Variants in OSBP2 observed in about 807,000 individuals in gnomAD.
OSBP2 encodes the protein oxysterol binding protein 2, also known as oxysterol-binding protein 2.
Under a neutral mutation model 96.0 loss-of-function variants are expected in OSBP2, and 66 were observed. The ratio of observed to expected loss-of-function variants is 0.69; its 90% CI spans 0.56 to 0.84. The LOEUF is 0.84. OSBP2 is among the 40% of genes least tolerant of loss of function. OSBP2 has a pLI of 0.00. For synonymous variants in OSBP2, 525 were observed against 520.9 expected (o/e 1.01, Z -0.11); for missense variants, 1,038 against 1,222.7 (o/e 0.85, Z 2.25).
intron 12 of OSBP2, among the ~76,000 whole-genome samples, chr22:30,903,882 C>T (rs1602451457): frequency 1.3e-5 from 2 of 152,332 alleles, no homozygotes; most frequent in East Asian, 1.9e-4. Flanking sequence ...ACTCATTTCC[C>T]TTGATAAATG....
chr22:30,730,794 AT>A (rs1569100565), intron 1 of OSBP2, among the ~76,000 whole-genome samples: 16 of 51,432 alleles, frequency 3.1e-4, no homozygotes, highest in African/African-American at 1.6e-3. Flanking sequence ...ATATATATAT[AT>A]ATATATATAT....
In OSBP2 at chr22:30,905,824, A is replaced by ACCG. The variant is rs2147202833; in HGVS notation, c.2376-11_2376-10insGCC. 41 of 1,603,546 alleles carry ACCG rather than the reference A, an allele frequency of 2.6e-5. No individual in the cohort carries two copies. Among genetic ancestry groups the ACCG allele is most frequent in the Admixed American group, 3.4e-5 (2 of 59,542 alleles). ...CACCGCAGCCACCGCCACCGCCACC[A>ACCG]CCACCGCCACAGGGAGAACGCGGAG... On this transcript the variant is annotated splice_polypyrimidine_tract_variant and intron_variant, in intron 12 of 13. Transcript: ENST00000332585.
At chr22:30,868,143 C>T (rs1472121779) in intron 2 of OSBP2, among the ~76,000 whole-genome samples, 1 of 152,264 alleles carries the variant, frequency 6.6e-6, no homozygotes, top group African/African-American at 2.4e-5. Flanking sequence ...CACCCACAGC[C>T]TGGCACCCGG....
At chr22:30,795,408 T>C (rs941824862) in intron 2 of OSBP2, among the ~76,000 whole-genome samples, 6 of 152,184 alleles carry the variant, frequency 3.9e-5, no homozygotes, top group Non-Finnish European at 7.3e-5. Context: ...CTCTTCCTCT[T>C]ATGGGACACA....
At chr22:30,896,761 TCA>T (rs1011075608) in intron 12 of OSBP2, among the ~76,000 whole-genome samples, 8 of 151,630 alleles carry the variant, frequency 5.3e-5, no homozygotes, top group Non-Finnish European at 1.0e-4. Flanking sequence ...GATCCTCACC[TCA>T]CACTCCTGAA....
chr22:30,824,245 G>T (rs1050098685), intron 2 of OSBP2, among the ~76,000 whole-genome samples: 6 of 152,214 alleles, frequency 3.9e-5, no homozygotes, highest in Admixed American at 2.0e-4. Flanking sequence ...TGCACAGCAA[G>T]CCTGGGGAGG....
At chr22:30,751,531 T>C (rs2090073822) in intron 2 of OSBP2, among the ~76,000 whole-genome samples, 1 of 152,024 alleles carries the variant, frequency 6.6e-6, no homozygotes, top group Non-Finnish European at 1.5e-5. Context: ...GTTTTTGTAT[T>C]TTTAGTAGAG....
intron 2 of OSBP2, among the ~76,000 whole-genome samples, chr22:30,748,003 T>G (rs1265619215): frequency 6.6e-6 from 1 of 151,528 alleles, no homozygotes; most frequent in Non-Finnish European, 1.5e-5. Flanking sequence ...TGCCTCAGTC[T>G]GTAGCTGGGA....
At chr22:30,716,777 T>C (rs1300585245) in intron 1 of OSBP2, among the ~76,000 whole-genome samples, 1 of 152,300 alleles carries the variant, frequency 6.6e-6, no homozygotes, top group East Asian at 1.9e-4. Context: ...ATTTTTGTTG[T>C]TGAGTTGTAG....
rs2147041848 is a variant in OSBP2 at position 30,844,101 on chromosome 22, C to T, written c.854-26328C>T. Among the ~76,000 whole-genome samples, 2 of 152,264 alleles carry T rather than the reference C, an allele frequency of 1.3e-5. 1 individual carries two copies. The highest frequency in any genetic ancestry group is 6.8e-3 in the Middle Eastern group (2 of 294). Reference sequence around the variant, plus strand: ...TGTCACCCAGGCTGGTCTCGAACTCCTGTGCTCAAGCAATCTGCTCGCTTT... The same window carrying T: ...TGTCACCCAGGCTGGTCTCGAACTCTTGTGCTCAAGCAATCTGCTCGCTTT... On this transcript the variant is annotated intron_variant, in intron 2 of 13. Transcript: ENST00000332585.
At chr22:30,700,488 G>A (rs1372306671) in intron 1 of OSBP2, among the ~76,000 whole-genome samples, 1 of 151,976 alleles carries the variant, frequency 6.6e-6, no homozygotes, top group Middle Eastern at 3.2e-3. Flanking sequence ...ATTTTCAAAT[G>A]TATTGTCATC....
intron 12 of OSBP2, among the ~76,000 whole-genome samples, chr22:30,895,759 A>T (rs2147172934): frequency 6.6e-6 from 1 of 151,984 alleles, no homozygotes; most frequent in African/African-American, 2.4e-5. Flanking sequence ...GCCAACATGG[A>T]GAAACCCCGT....
At chr22:30,705,883 T>C (rs920587319) in intron 1 of OSBP2, among the ~76,000 whole-genome samples, 1 of 152,140 alleles carries the variant, frequency 6.6e-6, no homozygotes, top group Non-Finnish European at 1.5e-5. Flanking sequence ...GGTTATTTAG[T>C]AAGAGGCCAA....
intron 2 of OSBP2, among the ~76,000 whole-genome samples, chr22:30,771,425 G>A (rs2090346037): frequency 6.6e-6 from 1 of 152,250 alleles, no homozygotes; most frequent in African/African-American, 2.4e-5. Context: ...GGCCTGATGA[G>A]CACAGGAAGG....
chr22:30,887,303 G>C (rs184547696), intron 3 of OSBP2, 123 bp from the exon 4 acceptor site: 1 of 747,028 alleles, frequency 1.3e-6, no homozygotes, highest in African/African-American at 1.7e-5. Context: ...ATGCAGCCCA[G>C]TAGGTTTCAG....
chr22:30,741,351 G>A lies in OSBP2; in HGVS notation c.835G>A (p.Val279Met), dbSNP rs753497112. 6 of 1,610,006 alleles carry A rather than the reference G, an allele frequency of 3.7e-6. No individual in the cohort carries two copies. The Admixed American group carries it at 8.3e-5, about 22-fold the overall frequency. The change falls in exon 2 of 14, where the codon GTG becomes ATG. Residue 279 changes from valine (V) to methionine (M), a missense_variant. Transcript: ENST00000332585. ...LELAKAKAVR[V>M]MNTHSDDSGD... ...GCTGGCCAAGGCCAAGGCTGTCCGC[G>A]TGATGAACACTCATTCAGGTAGTGA...
At chr22:30,827,900 C>A (rs2038437060) in intron 2 of OSBP2, among the ~76,000 whole-genome samples, 2 of 152,162 alleles carry the variant, frequency 1.3e-5, no homozygotes, top group Non-Finnish European at 2.9e-5. Context: ...AACTGAGGCT[C>A]AAGGAAGAGA....
In OSBP2 at chr22:30,887,493, A is replaced by G; in HGVS notation, c.1175A>G (p.Glu392Gly). 6.2e-7 allele frequency: 1 copy of G among 1,613,778 alleles called. No individual in the cohort carries two copies. ...SRKWQRALQY[E>G]QEQRVHLEET... The stretch of plus-strand genomic sequence containing the variant: ...AAATGGCAGCGGGCACTGCAGTATG[A>G]GCAGGAGCAGCGCGTGCACTTGGAG... Residue 392 changes from glutamate (E) to glycine (G), a missense_variant, in exon 4 of 14, where the codon GAG (glutamate) becomes GGG (glycine). Glu to Gly is a moderately conservative substitution (Grantham distance 98). This residue lies in a region of OSBP2 where 737 missense variants were observed against 913.3 expected (regional missense o/e 0.81). Transcript: ENST00000332585.
chr22:30,869,469 A>G (rs1569158034), intron 2 of OSBP2, among the ~76,000 whole-genome samples: 1 of 152,188 alleles, frequency 6.6e-6, no homozygotes, highest in Non-Finnish European at 1.5e-5. Context: ...GGGAGCCTCA[A>G]CTGTGACATT....
Sources: gnomAD v4.1 joint callset for allele counts (sites outside exome capture counted in the v4.1 genomes callset) on GRCh38, gnomAD v4.1.1 for gene constraint, gnomAD v4.1.1 regional missense constraint, MANE v1.5 for transcripts, NCBI Gene and HGNC (gene_info 2026-07-23, HGNC 2026-07-21) for gene names.